The following TENM3 variants were observed in gnomAD, a reference collection of about 807,000 sequenced individuals.
TENM3 encodes teneurin transmembrane protein 3, also known as teneurin-3.
Under a neutral mutation model 255.1 loss-of-function variants are expected in TENM3, and 63 were observed. The ratio of observed to expected loss-of-function variants is 0.25; its 90% confidence interval spans 0.20 to 0.30. TENM3 has a LOEUF of 0.30. Among genes scored for constraint, TENM3 ranks in the 10% least tolerant of loss-of-function variants. The probability of loss-of-function intolerance (pLI) is 1.00; values close to 1 mark genes in which losing one functional copy is unlikely to be tolerated. For synonymous variants in TENM3, 1,306 were observed against 1,322.3 expected (o/e 0.99, Z 0.27); for missense variants, 2,929 against 3,461.1 (o/e 0.85, Z 3.86).
chr4:181,856,486 G>A, the TENM3 span, among the ~76,000 whole-genome samples: 2,486 of 152,278 alleles, frequency 0.016, 66 homozygotes, highest in African/African-American at 0.056. Context: ...TCTCATGAAT[G>A]AGTAAATCTT....
intron 3 of TENM3, among the ~76,000 whole-genome samples, chr4:182,464,655 G>A (rs879510590): frequency 5.9e-5 from 9 of 152,104 alleles, no homozygotes; most frequent in Non-Finnish European, 7.4e-5. Context: ...AGAAGGTATC[G>A]ATTTAGTATT....
At chr4:182,328,624 T>A (rs2675525) in intron 2 of TENM3, among the ~76,000 whole-genome samples, 77,285 of 152,054 alleles carry the variant, frequency 0.51, 20,291 homozygotes, top group Admixed American at 0.64. Context: ...AGGAAGGCAG[T>A]TTGAGAACGA....
At chr4:182,192,150 C>T (rs996034530) in intron 1 of TENM3, among the ~76,000 whole-genome samples, 1 of 151,984 alleles carries the variant, frequency 6.6e-6, no homozygotes, top group Non-Finnish European at 1.5e-5. Context: ...ATTGGAACAC[C>T]GTTGCACCCA....
At chr4:182,370,046 T>C (rs1176703497) in intron 3 of TENM3, among the ~76,000 whole-genome samples, 1 of 152,226 alleles carries the variant, frequency 6.6e-6, no homozygotes, top group Non-Finnish European at 1.5e-5. Context: ...AAATTCTGCC[T>C]TCTTATTAAA....
chr4:181,564,032 TC>T, the TENM3 span, among the ~76,000 whole-genome samples: 5,541 of 108,310 alleles, frequency 0.051, 232 homozygotes, highest in African/African-American at 0.09. Flanking sequence ...TCTTTTCTTT[TC>T]TTTTTTCTTT....
At chr4:182,658,532 C>T (rs985146093) in intron 6 of TENM3, among the ~76,000 whole-genome samples, 3 of 152,152 alleles carry the variant, frequency 2.0e-5, no homozygotes, top group Non-Finnish European at 2.9e-5. Flanking sequence ...TAAAATCTAC[C>T]CAATTGTCTT....
chr4:182,043,954 G>T, the TENM3 span, among the ~76,000 whole-genome samples: 3,704 of 152,120 alleles, frequency 0.024, 156 homozygotes, highest in African/African-American at 0.082. Flanking sequence ...TTGCCAGTTC[G>T]TGAATTCCAC....
At chr4:181,886,048 G>GTTTTTTTTTT in the TENM3 span, among the ~76,000 whole-genome samples, 1 of 102,538 alleles carries the variant, frequency 9.8e-6, no homozygotes, top group Non-Finnish European at 2.0e-5. Context: ...TTTTTCTTGG[G>GTTTTTTTTTT]TTTTTTTTTT....
At chr4:182,164,875 T>C (rs1306391695) in intron 1 of TENM3, among the ~76,000 whole-genome samples, 2 of 152,308 alleles carry the variant, frequency 1.3e-5, no homozygotes, top group African/African-American at 4.8e-5. Flanking sequence ...TCCTTGAAGG[T>C]AGAAGTTCTG....
chr4:182,387,649 C>G (rs549306166), intron 3 of TENM3, among the ~76,000 whole-genome samples: 1 of 151,986 alleles, frequency 6.6e-6, no homozygotes, highest in Non-Finnish European at 1.5e-5. Flanking sequence ...AGGGAGTCCA[C>G]GAGCCCACCG....
At chr4:181,846,876 A>T in the TENM3 span, among the ~76,000 whole-genome samples, 4 of 152,254 alleles carry the variant, frequency 2.6e-5, no homozygotes, top group Non-Finnish European at 5.9e-5. Flanking sequence ...CCACACTTTA[A>T]GAAATAATAT....
chr4:182,331,774 G>A (rs1434312018), intron 2 of TENM3, among the ~76,000 whole-genome samples: 1 of 151,966 alleles, frequency 6.6e-6, no homozygotes, highest in Non-Finnish European at 1.5e-5. Flanking sequence ...AGGACCACTG[G>A]GTAAGTGATG....
At chr4:181,665,779 G>T in the TENM3 span, among the ~76,000 whole-genome samples, 1 of 150,990 alleles carries the variant, frequency 6.6e-6, no homozygotes, top group African/African-American at 2.4e-5. Flanking sequence ...CTTTATTTTT[G>T]GTAATAATCA....
At chr4:182,487,859 A>AAATGC (rs1378145812) in intron 3 of TENM3, among the ~76,000 whole-genome samples, 1 of 152,176 alleles carries the variant, frequency 6.6e-6, no homozygotes, top group African/African-American at 2.4e-5. Flanking sequence ...AATATTTATT[A>AAATGC]AATGCAGTGA....
At chr4:182,137,710 A>T in the TENM3 span, among the ~76,000 whole-genome samples, 1 of 152,022 alleles carries the variant, frequency 6.6e-6, no homozygotes, top group African/African-American at 2.4e-5. Flanking sequence ...ATTGCTTAAA[A>T]CTTTTCTTTT....
chr4:181,484,373 C>T, the TENM3 span, among the ~76,000 whole-genome samples: 1 of 152,116 alleles, frequency 6.6e-6, no homozygotes, highest in African/African-American at 2.4e-5. Context: ...TGATGTGTGA[C>T]TCTTCCGGTG....
chr4:182,767,982 CAG>C (rs1404503259), intron 22 of TENM3, among the ~76,000 whole-genome samples: 4 of 152,178 alleles, frequency 2.6e-5, no homozygotes, highest in African/African-American at 7.2e-5. Context: ...GTGAAAATGA[CAG>C]AGGTGTGGGG....
At chr4:181,797,680 C>T in the TENM3 span, among the ~76,000 whole-genome samples, 2 of 152,148 alleles carry the variant, frequency 1.3e-5, no homozygotes, top group Non-Finnish European at 2.9e-5. Context: ...ATATGTGTTT[C>T]GACTCATCCC....
the TENM3 span, among the ~76,000 whole-genome samples, chr4:181,899,266 G>A: frequency 6.6e-6 from 1 of 151,906 alleles, no homozygotes; most frequent in African/African-American, 2.4e-5. Flanking sequence ...AGGTCCACAT[G>A]TTATCTCAGA....
Sources: allele counts gnomAD v4.1 joint callset (sites outside exome capture counted in the v4.1 genomes callset), GRCh38; gene constraint gnomAD v4.1.1; transcripts MANE v1.5; gene names NCBI Gene and HGNC (gene_info 2026-07-23, HGNC 2026-07-21).